The following NTNG1 variants were observed in gnomAD, a reference collection of about 807,000 sequenced individuals.
NTNG1 encodes netrin G1.
In NTNG1, 16 loss-of-function variants were observed where a neutral mutation model predicts 54.0. That is an observed-to-expected ratio of 0.30 (90% CI 0.20 to 0.45). NTNG1 has a LOEUF of 0.45. Ranked by LOEUF, NTNG1 falls within the 20% of genes least tolerant of loss-of-function variation. NTNG1 has a pLI of 1.00. For missense variants in NTNG1, 530 were observed against 678.7 expected (o/e 0.78, Z 2.43); for synonymous variants, 255 against 263.1 (o/e 0.97, Z 0.30).
chr1:107,301,513 A>G (rs2101804238), intron 2 of NTNG1, among the ~76,000 whole-genome samples: 1 of 152,328 alleles, frequency 6.6e-6, no homozygotes, highest in South Asian at 2.1e-4. Context: ...ATGCACCCTC[A>G]ATATGTTTAC....
chr1:107,183,627 T>A (rs1323863460), intron 2 of NTNG1, among the ~76,000 whole-genome samples: 1 of 152,146 alleles, frequency 6.6e-6, no homozygotes, highest in Admixed American at 6.6e-5. Context: ...TTGTTTTTGT[T>A]AATGTCACAA....
chr1:107,346,727 T>A (rs893400617), intron 3 of NTNG1, among the ~76,000 whole-genome samples: 4 of 151,954 alleles, frequency 2.6e-5, no homozygotes, highest in Non-Finnish European at 5.9e-5. Context: ...AACACATTCT[T>A]TCAAGATTGC....
At chr1:107,300,832 A>T (rs1475654257) in intron 2 of NTNG1, among the ~76,000 whole-genome samples, 1 of 152,222 alleles carries the variant, frequency 6.6e-6, no homozygotes, top group Non-Finnish European at 1.5e-5. Context: ...TTACAATTGG[A>T]TACTTAAATG....
intron 4 of NTNG1, among the ~76,000 whole-genome samples, chr1:107,404,632 A>T (rs1274565119): frequency 6.6e-6 from 1 of 152,124 alleles, no homozygotes; most frequent in African/African-American, 2.4e-5. Flanking sequence ...TCCCAGGCAG[A>T]TCCAACAGGT....
At chr1:107,476,001 T>G (rs983011601) in intron 7 of NTNG1, among the ~76,000 whole-genome samples, 2 of 152,208 alleles carry the variant, frequency 1.3e-5, no homozygotes, top group African/African-American at 4.8e-5. Context: ...AATTTTTCAA[T>G]CCTTTTTCCA....
intron 2 of NTNG1, among the ~76,000 whole-genome samples, chr1:107,163,685 A>G (rs1655568578): frequency 6.6e-6 from 1 of 152,240 alleles, no homozygotes; most frequent in African/African-American, 2.4e-5. Context: ...ACTCATGGAT[A>G]CAATGACATT....
chr1:107,457,275 G>T (rs1442632587), intron 7 of NTNG1, among the ~76,000 whole-genome samples: 1 of 152,136 alleles, frequency 6.6e-6, no homozygotes, highest in African/African-American at 2.4e-5. Context: ...TGAATTTCTG[G>T]CTCTTTTGGT....
chr1:107,441,273 C>A (rs1035074484), intron 7 of NTNG1, among the ~76,000 whole-genome samples: 3 of 152,184 alleles, frequency 2.0e-5, no homozygotes, highest in Non-Finnish European at 4.4e-5. Context: ...ACTTGTAGAA[C>A]TAATGTGACT....
At chr1:107,362,247 C>T (rs986111861) in intron 3 of NTNG1, among the ~76,000 whole-genome samples, 6 of 152,170 alleles carry the variant, frequency 3.9e-5, no homozygotes, top group Admixed American at 6.5e-5. Context: ...TTAAAAGAGA[C>T]GGTTACACCT....
At chr1:107,232,037 A>G (rs1661101047) in intron 2 of NTNG1, among the ~76,000 whole-genome samples, 1 of 152,182 alleles carries the variant, frequency 6.6e-6, no homozygotes, top group Admixed American at 6.5e-5. Flanking sequence ...GCAGCTTGGT[A>G]CTATGTGGAT....
intron 3 of NTNG1, among the ~76,000 whole-genome samples, chr1:107,380,916 A>C (rs1400980963): frequency 2.0e-5 from 3 of 152,220 alleles, no homozygotes; most frequent in Admixed American, 6.5e-5. Context: ...TCTGTTAAAT[A>C]TAAAACAAAA....
intron 2 of NTNG1, among the ~76,000 whole-genome samples, chr1:107,236,570 T>C (rs1661427328): frequency 1.3e-5 from 2 of 151,930 alleles, no homozygotes; most frequent in Non-Finnish European, 2.9e-5. Flanking sequence ...GGCTGAAAAA[T>C]GGTTTATAAT....
rs898959618 is a variant in NTNG1 at position 107,400,535 on chromosome 1, T to C, written c.1060+5209T>C. ...AGTTGTTCCAAAGTCCCATAGCTAATGTATGACAGAGCAAGATTTAAACTT... is the reference window on the plus strand; with the variant it reads ...AGTTGTTCCAAAGTCCCATAGCTAACGTATGACAGAGCAAGATTTAAACTT... On this transcript the variant is annotated intron_variant, in intron 4 of 7. Coordinates refer to ENST00000370068, the MANE Select transcript of NTNG1 (RefSeq NM_001113226.3). Among the ~76,000 whole-genome samples, 9 of 152,326 alleles carry C rather than the reference T, an allele frequency of 5.9e-5. 2 individuals are homozygous for C. Among genetic ancestry groups the C allele is most frequent in the Admixed American group, 5.9e-4 (9 of 15,294 alleles).
intron 2 of NTNG1, among the ~76,000 whole-genome samples, chr1:107,176,561 G>A (rs759756019): frequency 6.6e-6 from 1 of 152,172 alleles, no homozygotes; most frequent in Non-Finnish European, 1.5e-5. Flanking sequence ...TACACTTACA[G>A]TGAGGCTTAA....
At chr1:107,445,651 C>T (rs933142991) in intron 7 of NTNG1, among the ~76,000 whole-genome samples, 3 of 152,050 alleles carry the variant, frequency 2.0e-5, no homozygotes, top group Admixed American at 6.6e-5. Flanking sequence ...GTCACTTTTA[C>T]TTTGCAGATG....
chr1:107,302,826 T>C (rs1666408294), intron 2 of NTNG1, among the ~76,000 whole-genome samples: 1 of 152,216 alleles, frequency 6.6e-6, no homozygotes, highest in Admixed American at 6.5e-5. Flanking sequence ...CCCTTACTTT[T>C]CTAAGCTAGC....
intron 6 of NTNG1, among the ~76,000 whole-genome samples, chr1:107,435,037 G>T (rs1198485052): frequency 6.6e-6 from 1 of 151,600 alleles, no homozygotes; most frequent in African/African-American, 2.4e-5. Flanking sequence ...TACATTTTTT[G>T]CCTCTAAAAT....
intron 2 of NTNG1, among the ~76,000 whole-genome samples, chr1:107,272,138 G>T (rs746695817): frequency 4.6e-5 from 7 of 152,046 alleles, no homozygotes; most frequent in Non-Finnish European, 8.8e-5. Flanking sequence ...TCAATACCAT[G>T]CTTTTGCAAA....
At chr1:107,374,417 T>C (rs1014192413) in intron 3 of NTNG1, among the ~76,000 whole-genome samples, 9 of 152,128 alleles carry the variant, frequency 5.9e-5, no homozygotes, top group African/African-American at 2.2e-4. Context: ...GCTTTTTGCA[T>C]TTTTAAAAAT....
Sources: allele counts gnomAD v4.1 joint callset (sites outside exome capture counted in the v4.1 genomes callset), GRCh38; gene constraint gnomAD v4.1.1; transcripts MANE v1.5; gene names NCBI Gene and HGNC (gene_info 2026-07-23, HGNC 2026-07-21).